Variants in GPC6 observed in about 807,000 individuals in gnomAD.
GPC6 encodes the protein glypican-6.
In GPC6, 14 loss-of-function variants were observed where a neutral mutation model predicts 55.2. The observed-to-expected ratio is 0.25, with a 90% CI of 0.17 to 0.40. The LOEUF (loss-of-function observed/expected upper bound fraction) is 0.40. Among genes scored for constraint, GPC6 ranks in the 10% least tolerant of loss-of-function variants. The pLI, the probability that GPC6 is intolerant of heterozygous loss-of-function variation, is 1.00. For missense variants in GPC6, 641 were observed against 708.5 expected (o/e 0.90, Z 1.08); for synonymous variants, 278 against 259.6 (o/e 1.07, Z -0.68).
At chr13:94,356,183 A>T (rs1278112505) in intron 6 of GPC6, among the ~76,000 whole-genome samples, 1 of 152,138 alleles carries the variant, frequency 6.6e-6, no homozygotes, top group Non-Finnish European at 1.5e-5. Flanking sequence ...TTCTTTATCC[A>T]GTCTATCCTT....
At chr13:93,222,295 A>T (rs987448241), upstream of GPC6, among the ~76,000 whole-genome samples, 2 of 152,248 alleles carry the variant, frequency 1.3e-5, no homozygotes, top group African/African-American at 2.4e-5. Context: ...AAAAAAATTT[A>T]AAATCAACCA....
intron 3 of GPC6, among the ~76,000 whole-genome samples, chr13:93,994,651 A>G (rs1192053790): frequency 4.6e-5 from 7 of 152,180 alleles, no homozygotes; most frequent in African/African-American, 1.4e-4. Context: ...CTGTGACTGA[A>G]GATAGTGGTT....
At chr13:94,244,225 A>C (rs1385829637) in intron 4 of GPC6, among the ~76,000 whole-genome samples, 1 of 152,172 alleles carries the variant, frequency 6.6e-6, no homozygotes, top group Admixed American at 6.5e-5. Flanking sequence ...GAGTATCTAA[A>C]AACCGCATTT....
chr13:93,343,820 T>C (rs1880343706), intron 1 of GPC6, among the ~76,000 whole-genome samples: 1 of 152,200 alleles, frequency 6.6e-6, no homozygotes, highest in African/African-American at 2.4e-5. Flanking sequence ...ATTACCTTTA[T>C]ACTCCTCTAA....
At chr13:94,047,922 T>G (rs183491521) in intron 4 of GPC6, among the ~76,000 whole-genome samples, 330 of 152,204 alleles carry the variant, frequency 2.2e-3, no homozygotes, top group African/African-American at 7.6e-3. Context: ...CAAATCTAGT[T>G]AATGCATTTC....
At chr13:94,236,985 C>T (rs528680155) in intron 4 of GPC6, among the ~76,000 whole-genome samples, 13 of 151,630 alleles carry the variant, frequency 8.6e-5, no homozygotes, top group Non-Finnish European at 1.6e-4. Flanking sequence ...GTTGGAAGCA[C>T]CTTGTTCACA....
chr13:94,074,009 C>G (rs1200506073), intron 4 of GPC6, among the ~76,000 whole-genome samples: 2 of 152,102 alleles, frequency 1.3e-5, no homozygotes, highest in Non-Finnish European at 2.9e-5. Flanking sequence ...TAAGCAAAAT[C>G]TTTGCATCTG....
chr13:93,435,449 C>T (rs1472209411), intron 1 of GPC6, among the ~76,000 whole-genome samples: 1 of 150,722 alleles, frequency 6.6e-6, no homozygotes. Context: ...CTTCATATGT[C>T]ACTTTACCAA....
chr13:93,525,895 C>G (rs1470516428), intron 1 of GPC6, among the ~76,000 whole-genome samples: 2 of 152,040 alleles, frequency 1.3e-5, no homozygotes, highest in East Asian at 3.9e-4. Flanking sequence ...GGCTCACAAC[C>G]TACTCACACA....
intron 1 of GPC6, among the ~76,000 whole-genome samples, chr13:93,280,948 C>G (rs1877930112): frequency 6.6e-6 from 1 of 152,158 alleles, no homozygotes; most frequent in Non-Finnish European, 1.5e-5. Context: ...AATGCTCGTC[C>G]CTTGCTCACC....
intron 1 of GPC6, among the ~76,000 whole-genome samples, chr13:93,403,824 A>G (rs1041876353): frequency 6.6e-6 from 1 of 152,122 alleles, no homozygotes; most frequent in African/African-American, 2.4e-5. Flanking sequence ...TGAATTACAT[A>G]TTTAGTTAAT....
chr13:94,311,040 A>C (rs1351678415), intron 6 of GPC6, among the ~76,000 whole-genome samples: 1 of 152,098 alleles, frequency 6.6e-6, no homozygotes, highest in Non-Finnish European at 1.5e-5. Flanking sequence ...GAATTTCCTG[A>C]TATCTTTCAG....
chr13:94,245,267 G>A (rs887904265), intron 4 of GPC6, among the ~76,000 whole-genome samples: 1 of 151,918 alleles, frequency 6.6e-6, no homozygotes, highest in Non-Finnish European at 1.5e-5. Flanking sequence ...ACATATAAAT[G>A]AGATCATGCA....
intron 4 of GPC6, among the ~76,000 whole-genome samples, chr13:94,071,057 C>T (rs562549492): frequency 6.6e-6 from 1 of 152,330 alleles, no homozygotes; most frequent in African/African-American, 2.4e-5. Context: ...TGATGCTACA[C>T]AGGGAAAGAA....
At chr13:93,439,782 A>G (rs1159347751) in intron 1 of GPC6, among the ~76,000 whole-genome samples, 1 of 152,156 alleles carries the variant, frequency 6.6e-6, no homozygotes, top group African/African-American at 2.4e-5. Context: ...ACATGGCTGA[A>G]TAAGGCTTTT....
intron 2 of GPC6, among the ~76,000 whole-genome samples, chr13:93,587,780 A>T (rs1273351686): frequency 6.6e-6 from 1 of 152,178 alleles, no homozygotes; most frequent in Non-Finnish European, 1.5e-5. Flanking sequence ...ACACAAACTC[A>T]GATGTCCATC....
chr13:94,213,398 T>C (rs1422440127), intron 4 of GPC6, among the ~76,000 whole-genome samples: 2 of 152,262 alleles, frequency 1.3e-5, no homozygotes, highest in Non-Finnish European at 2.9e-5. Context: ...TTATGCACGC[T>C]TCTGTCAGTT....
intron 4 of GPC6, among the ~76,000 whole-genome samples, chr13:94,253,200 T>C (rs1042105836): frequency 6.6e-6 from 1 of 152,130 alleles, no homozygotes; most frequent in African/African-American, 2.4e-5. Flanking sequence ...AAAATTACTT[T>C]CCGATGCTCA....
intron 3 of GPC6, among the ~76,000 whole-genome samples, chr13:93,939,870 T>G (rs893921820): frequency 6.6e-6 from 1 of 152,150 alleles, no homozygotes; most frequent in Admixed American, 6.5e-5. Context: ...CCACAAAATC[T>G]AAAAGCTTTT....
Sources: gnomAD v4.1 joint callset for allele counts (sites outside exome capture counted in the v4.1 genomes callset) on GRCh38, gnomAD v4.1.1 for gene constraint, MANE v1.5 for transcripts, NCBI Gene and HGNC (gene_info 2026-07-23, HGNC 2026-07-21) for gene names.